Variants in TARDBP observed in about 807,000 individuals in gnomAD.
TARDBP encodes the protein TAR DNA-binding protein 43.
Under a neutral mutation model 38.3 loss-of-function variants are expected in TARDBP, and 4 were observed. That is an observed-to-expected ratio of 0.10 (90% CI 0.05 to 0.24). The LOEUF is 0.24. Ranked by LOEUF, TARDBP falls within the 10% of genes least tolerant of loss-of-function variation. The probability of loss-of-function intolerance (pLI) is 1.00; values close to 1 mark genes in which losing one functional copy is unlikely to be tolerated. For synonymous variants in TARDBP, 184 were observed against 183.8 expected (o/e 1.00, Z -0.01); for missense variants, 202 against 521.9 (o/e 0.39, Z 5.97).
At chr1:11,016,748 T>C in intron 2 of TARDBP, 96 bp from the exon 3 acceptor site, 1 of 1,287,062 alleles carries the variant, frequency 7.8e-7, no homozygotes, top group Admixed American at 1.9e-5. Context: ...CTTCTTAGAG[T>C]CTTCTTTTTG....
At chr1:11,019,055 T>A (rs1643583973) in intron 4 of TARDBP, 182 bp downstream of exon 4, 3 of 753,118 alleles carry the variant, frequency 4.0e-6, no homozygotes, top group East Asian at 5.4e-5. Flanking sequence ...AAATATTTAG[T>A]TTATTACTTC....
chr1:11,013,677 G>C (rs561330926), intron 1 of TARDBP, 39 bp from the exon 2 acceptor site: 42 of 1,481,964 alleles, frequency 2.8e-5, no homozygotes, highest in Non-Finnish European at 3.7e-5. Flanking sequence ...CAGTTATTCT[G>C]ACATGAATGT....
chr1:11,023,604 A>G lies in TARDBP; in HGVS notation c.*950A>G. 3.1e-6 allele frequency: 1 copy of G among 320,348 alleles called. No homozygotes were observed. The highest frequency in any genetic ancestry group is 5.7e-6 in the Non-Finnish European group (1 of 175,454). The allele number at this position is 320,348 out of a possible 1,614,324, so 19.8% of individuals were successfully genotyped here. On this transcript the variant is annotated 3_prime_UTR_variant, in exon 6 of 6. Coordinates refer to ENST00000240185, the MANE Select transcript of TARDBP (RefSeq NM_007375.4). The stretch of plus-strand genomic sequence containing the variant: ...GAGAGAGTGTGCAGAGAGCAATGAT[A>G]GCAAATAATGTACGAATGTTTTTTG...
chr1:11,020,560 A>C lies in TARDBP; in HGVS notation c.675A>C (p.Pro225=), dbSNP rs61741294. Residue 225 remains proline (P), a synonymous_variant, in exon 5 of 6, where the codon CCA becomes CCC. Transcript: ENST00000240185. ...GDVMDVFIPK[P]FRAFAFVTFA... Reference sequence around the variant, plus strand: ...TGATGGATGTCTTCATCCCCAAGCCATTCAGGGCCTTTGCCTTTGTTACAT... The same window carrying C: ...TGATGGATGTCTTCATCCCCAAGCCCTTCAGGGCCTTTGCCTTTGTTACAT... 2 of 1,613,858 alleles carry C rather than the reference A, an allele frequency of 1.2e-6. No homozygotes were observed. Among genetic ancestry groups the C allele is most frequent in the Non-Finnish European group, 8.5e-7 (1 of 1,179,864 alleles).
At chr1:11,026,377 C>T (rs186787201), downstream of TARDBP, 2 of 152,408 alleles carry the variant, frequency 1.3e-5, no homozygotes, top group African/African-American at 4.8e-5. Context: ...TTGTATCCCA[C>T]CATTCTGTAG....
At position 11,022,582 on chromosome 1, in the gene TARDBP, A is replaced by G; in HGVS notation, c.1173A>G (p.Ala391=). 3 of 1,582,782 alleles carry G rather than the reference A, an allele frequency of 1.9e-6. No individual in the cohort carries two copies. Among genetic ancestry groups the G allele is most frequent in the East Asian group, 2.2e-5 (1 of 44,506 alleles). Residue 391 remains alanine, a synonymous_variant, in exon 6 of 6, where the codon GCA becomes GCG. Transcript: ENST00000240185. The surrounding 1 kb of genome is among the most constrained non-coding windows in gnomAD (Gnocchi z 4.5). ...AAIGWGSASN[A]GSGSGFNGGF... is the part of the protein sequence containing the mutation. ...TTGGTTGGGGATCAGCATCCAATGCAGGGTCGGGCAGTGGTTTTAATGGAG... is the reference window on the plus strand; with the variant it reads ...TTGGTTGGGGATCAGCATCCAATGCGGGGTCGGGCAGTGGTTTTAATGGAG...
intron 2 of TARDBP, 99 bp from the exon 3 acceptor site, chr1:11,016,745 G>C: frequency 1.6e-6 from 2 of 1,260,542 alleles, no homozygotes; most frequent in East Asian, 2.3e-5. Context: ...ATTCTTCTTA[G>C]AGTCTTCTTT....
chr1:11,028,953 T>C (rs1643792230), downstream of TARDBP, among the ~76,000 whole-genome samples: 1 of 150,974 alleles, frequency 6.6e-6, no homozygotes, highest in South Asian at 2.1e-4. Flanking sequence ...GACCTCACGA[T>C]CTGCCCGCCT....
At chr1:11,026,753 G>C (rs1156621723), downstream of TARDBP, 3 of 654,222 alleles carry the variant, frequency 4.6e-6, no homozygotes, top group Non-Finnish European at 7.1e-6. Flanking sequence ...GCCTCACCTG[G>C]AGTCTGTTTT....
intron 4 of TARDBP, among the ~76,000 whole-genome samples, chr1:11,020,083 C>A (rs1023413623): frequency 2.6e-5 from 4 of 151,128 alleles, no homozygotes; most frequent in African/African-American, 9.7e-5. Context: ...CTGGTTTGAA[C>A]TCCTGACCTC....
At chr1:11,014,629 C>T (rs769137190) in intron 2 of TARDBP, among the ~76,000 whole-genome samples, 7 of 152,110 alleles carry the variant, frequency 4.6e-5, no homozygotes, top group Non-Finnish European at 8.8e-5. Context: ...ATGCAAGACA[C>T]CCTTTTACAT....
intron 1 of TARDBP, among the ~76,000 whole-genome samples, chr1:11,013,304 T>G (rs570226167): frequency 9.9e-5 from 15 of 152,252 alleles, no homozygotes; most frequent in Non-Finnish European, 1.9e-4. Flanking sequence ...GAAAATCGAC[T>G]GGGACCTATC....
At chr1:11,027,586 C>T, downstream of TARDBP, 4 of 1,614,176 alleles carry the variant, frequency 2.5e-6, no homozygotes, top group Non-Finnish European at 3.4e-6. Context: ...GGAAAATCAC[C>T]AGGTTTTGCC....
chr1:11,026,936 T>G, downstream of TARDBP: 1 of 1,514,412 alleles, frequency 6.6e-7, no homozygotes, highest in Non-Finnish European at 8.8e-7. Flanking sequence ...TAATAACTTT[T>G]GTGTAGACTC....
At chr1:11,014,024 C>A in intron 2 of TARDBP, 59 bp downstream of exon 2, 2 of 1,530,924 alleles carry the variant, frequency 1.3e-6, no homozygotes, top group South Asian at 1.1e-5. Flanking sequence ...TGTGTCTCAT[C>A]CATGGATCTT....
intron 1 of TARDBP, among the ~76,000 whole-genome samples, chr1:11,013,114 C>T (rs990713164): frequency 7.9e-5 from 12 of 152,356 alleles, no homozygotes; most frequent in African/African-American, 2.6e-4. Flanking sequence ...CACGCGCGGG[C>T]TTCTGGGAGG....
At chr1:11,030,439 C>T (rs1405549012), downstream of TARDBP, 1 of 590,070 alleles carries the variant, frequency 1.7e-6, no homozygotes, top group African/African-American at 1.9e-5. Context: ...AAAGTGGAAA[C>T]CTTTTAGATG....
At chr1:11,017,416 T>G (rs1643549753) in intron 3 of TARDBP, among the ~76,000 whole-genome samples, 2 of 152,024 alleles carry the variant, frequency 1.3e-5, no homozygotes, top group Admixed American at 6.6e-5. Flanking sequence ...GGCCAGGCTG[T>G]TCTTGAACTC....
chr1:11,019,714 C>T (rs1643598464), intron 4 of TARDBP, among the ~76,000 whole-genome samples: 1 of 151,916 alleles, frequency 6.6e-6, no homozygotes, highest in Non-Finnish European at 1.5e-5. Context: ...CTACAGGTGC[C>T]CACCAACACG....
Sources: allele counts gnomAD v4.1 joint callset (sites outside exome capture counted in the v4.1 genomes callset), GRCh38; gene constraint gnomAD v4.1.1; non-coding constraint Gnocchi (gnomAD v3.1); transcripts MANE v1.5; gene names NCBI Gene and HGNC (gene_info 2026-07-23, HGNC 2026-07-21).